Variants in JHY observed in about 807,000 individuals in gnomAD.
JHY encodes junctional cadherin complex regulator, also known as jhy protein homolog.
Under a neutral mutation model 78.0 loss-of-function variants are expected in JHY, and 69 were observed. That is an observed-to-expected ratio of 0.88 (90% CI 0.73 to 1.08). The LOEUF (loss-of-function observed/expected upper bound fraction) is 1.08, where lower values mean the gene tolerates loss of function less well. Ranked by LOEUF, JHY falls within the 50% of genes least tolerant of loss-of-function variation. The probability of loss-of-function intolerance (pLI) is 0.00; values close to 1 mark genes in which losing one functional copy is unlikely to be tolerated. For synonymous variants in JHY, 368 were observed against 342.6 expected, an observed-to-expected ratio of 1.07 and a Z score of -0.82; for missense variants, 944 against 927.8, an observed-to-expected ratio of 1.02 and a Z score of -0.23.
chr11:122,929,240 G>T (rs111366181), intron 4 of JHY, among the ~76,000 whole-genome samples: 2,877 of 80,072 alleles, frequency 0.036, 66 homozygotes, highest in African/African-American at 0.09. Flanking sequence ...GTTGTTTTTT[G>T]TTTTTTTTTT....
rs562926652 is a variant in JHY, at chr11:122,941,815, G to A, written c.1635-4683G>A. 3.9e-5 allele frequency among the ~76,000 whole-genome samples: 6 copies of A among 152,114 alleles called. No homozygotes were observed. The South Asian group carries it at 1.0e-3, about 26-fold the overall frequency. On this transcript the variant is annotated intron_variant, in intron 5 of 8. Transcript: ENST00000227349. The stretch of plus-strand genomic sequence containing the variant: ...AGGTCACTGTGTGTGCCTCCTGTTT[G>A]GTAAGGACCATGACAAGAAATAGAA...
At chr11:122,934,349 TAA>T (rs1565328269) in intron 4 of JHY, 69 bp from the exon 5 acceptor site, 12,252 of 742,094 alleles carry the variant, frequency 0.017, 716 homozygotes, top group East Asian at 0.16. Context: ...AATAAATAAA[TAA>T]ATAATAAAAT....
At chr11:122,904,935 A>G (rs530510338) in intron 3 of JHY, among the ~76,000 whole-genome samples, 1 of 152,308 alleles carries the variant, frequency 6.6e-6, no homozygotes, top group East Asian at 1.9e-4. Context: ...AACATGCCCC[A>G]GCTCACATAC....
chr11:122,925,012 T>C lies in JHY; in HGVS notation c.978+2T>C. 6.2e-7 allele frequency: 1 copy of C among 1,602,098 alleles called. No homozygotes were observed. Among genetic ancestry groups the C allele is most frequent in the Non-Finnish European group, 8.6e-7 (1 of 1,169,196 alleles). The stretch of plus-strand genomic sequence containing the variant: ...CATCAAAGAGCACAACAGCTAAAGG[T>C]TACCTGCTAGATTGCATTTTAAGTG... On this transcript the variant is annotated splice_donor_variant, in intron 4 of 8. Transcript: ENST00000227349. LOFTEE classifies it high-confidence loss of function.
chr11:122,909,405 C>T (rs1039465033), intron 3 of JHY, among the ~76,000 whole-genome samples: 11 of 152,266 alleles, frequency 7.2e-5, no homozygotes, highest in South Asian at 2.1e-4. Flanking sequence ...AGCTCGGTGA[C>T]GCTCTGCAAA....
At position 122,960,986 on chromosome 11, in the gene JHY, G is replaced by A; in HGVS notation, c.*1541G>A. ...AGGAACAAGAGCACATGATAAATTG[G>A]GTGCAGAGCATCTCTGCACAACAGG... is the stretch of plus-strand genomic sequence containing the variant. On this transcript the variant is annotated 3_prime_UTR_variant, in exon 9 of 9. Transcript: ENST00000227349. 2.5e-6 allele frequency: 2 copies of A among 814,078 alleles called. No individual in the cohort carries two copies. Among genetic ancestry groups the A allele is most frequent in the Non-Finnish European group, 4.3e-6 (2 of 463,530 alleles). 50.4% of individuals were successfully genotyped at this position (814,078 alleles called of 1,614,324 possible). A position where few individuals can be genotyped will look rare whatever the true frequency, so the allele number is the denominator to read the frequency against.
intron 3 of JHY, chr11:122,905,459 T>C: frequency 8.1e-7 from 1 of 1,231,098 alleles, no homozygotes; most frequent in Non-Finnish European, 1.0e-6. Flanking sequence ...CCAACTGGTA[T>C]TTTTTTTTAA....
At chr11:122,938,658 T>G (rs1180347222) in intron 5 of JHY, among the ~76,000 whole-genome samples, 1 of 152,210 alleles carries the variant, frequency 6.6e-6, no homozygotes. Flanking sequence ...TTAGGGCTTG[T>G]GTCAGATGTC....
Position 122,959,530 on chromosome 11 carries a change from A to C in JHY, c.*85A>C. 7.9e-7 allele frequency: 1 copy of C among 1,269,048 alleles called. No homozygotes were observed. Among genetic ancestry groups the C allele is most frequent in the Non-Finnish European group, 1.1e-6 (1 of 900,542 alleles). The allele number at this position is 1,269,048 out of a possible 1,614,324, so 78.6% of individuals were successfully genotyped here. ...CGCCAACCACCTTCTCTGCGTTGAG[A>C]GTAATGGCCTATTATTATCATCTAT... On this transcript the variant is annotated 3_prime_UTR_variant, in exon 9 of 9. Coordinates refer to ENST00000227349, the MANE Select transcript of JHY (RefSeq NM_024806.4).
At chr11:122,893,217 A>G (rs2135288232) in intron 2 of JHY, among the ~76,000 whole-genome samples, 1 of 152,262 alleles carries the variant, frequency 6.6e-6, no homozygotes, top group Non-Finnish European at 1.5e-5. Context: ...CAGAGGAGTG[A>G]CTTTTTGTTG....
chr11:122,957,915 A>C (rs1864227255), intron 8 of JHY, among the ~76,000 whole-genome samples: 1 of 152,172 alleles, frequency 6.6e-6, no homozygotes, highest in African/African-American at 2.4e-5. Flanking sequence ...AATGTGTCAC[A>C]CATAAAAATT....
chr11:122,928,011 G>A (rs909245989), intron 4 of JHY, among the ~76,000 whole-genome samples: 4 of 152,100 alleles, frequency 2.6e-5, no homozygotes, highest in African/African-American at 4.8e-5. Context: ...GATTACAGGC[G>A]TGAGCCACTG....
intron 3 of JHY, among the ~76,000 whole-genome samples, chr11:122,911,361 C>T (rs537301956): frequency 6.6e-6 from 1 of 152,316 alleles, no homozygotes; most frequent in African/African-American, 2.4e-5. Context: ...GTCCTACCTT[C>T]AATTAACACA....
intron 4 of JHY, among the ~76,000 whole-genome samples, chr11:122,927,771 C>T (rs1274639217): frequency 6.7e-5 from 10 of 148,388 alleles, no homozygotes; most frequent in African/African-American, 2.5e-4. Flanking sequence ...GTTCTTGTTG[C>T]CTAGGCTGGA....
chr11:122,959,016 CGTAT>C, intron 8 of JHY: 1 of 984,098 alleles, frequency 1.0e-6, no homozygotes. Flanking sequence ...AGGACACAAC[CGTAT>C]GTATTATTCT....
rs1864309551 is a variant in JHY at position 122,961,269 on chromosome 11, A to C, written c.*1824A>C. Among the ~76,000 whole-genome samples the C allele has an allele frequency of 6.6e-6, 1 of 152,098 alleles. No homozygotes were observed. On this transcript the variant is annotated 3_prime_UTR_variant, in exon 9 of 9. Coordinates refer to ENST00000227349, the MANE Select transcript of JHY (RefSeq NM_024806.4). ...TCTATTGGCCAATCAGATGTTTCCC[A>C]TCCTTCTTACTCAGCATTTGAGTTG... is the stretch of plus-strand genomic sequence containing the variant.
intron 3 of JHY, among the ~76,000 whole-genome samples, chr11:122,916,724 C>A (rs1565319071): frequency 6.6e-6 from 1 of 152,144 alleles, no homozygotes; most frequent in Non-Finnish European, 1.5e-5. Flanking sequence ...ACTGCAGCCT[C>A]CACCTCCCAG....
At chr11:122,922,268 C>A (rs1591383348) in intron 3 of JHY, among the ~76,000 whole-genome samples, 1 of 152,300 alleles carries the variant, frequency 6.6e-6, no homozygotes, top group Non-Finnish European at 1.5e-5. Context: ...CACCATCTAT[C>A]TGCCCTATCT....
rs566856765 is a variant in JHY at position 122,935,395 on chromosome 11, G to A, written c.1634+320G>A. On this transcript the variant is annotated intron_variant, in intron 5 of 8. Coordinates refer to ENST00000227349, the MANE Select transcript of JHY (RefSeq NM_024806.4). The surrounding 1 kb of genome is among the most constrained non-coding windows in gnomAD (Gnocchi z 4.5). Reference sequence around the variant, plus strand: ...GATTACAAGCGTTCACCACCACACCGGGCTAATTTTTGTATTTTTAGTAGA... The same window carrying A: ...GATTACAAGCGTTCACCACCACACCAGGCTAATTTTTGTATTTTTAGTAGA... Among the ~76,000 whole-genome samples, 7 of 152,008 alleles carry A rather than the reference G, an allele frequency of 4.6e-5. No homozygotes were observed. The highest frequency in any genetic ancestry group is 1.9e-4 in the East Asian group (1 of 5,180).
Sources: gnomAD v4.1 joint callset for allele counts (sites outside exome capture counted in the v4.1 genomes callset) on GRCh38, gnomAD v4.1.1 for gene constraint, Gnocchi (gnomAD v3.1) non-coding constraint, MANE v1.5 for transcripts, NCBI Gene and HGNC (gene_info 2026-07-23, HGNC 2026-07-21) for gene names.